Variants in CERS6 observed in about 807,000 individuals in gnomAD.
CERS6 encodes the protein LAG1 homolog, ceramide synthase 6.
A neutral mutation model predicts 56.8 loss-of-function variants in CERS6; 26 were observed. The ratio of observed to expected loss-of-function variants is 0.46; its 90% CI spans 0.34 to 0.63. CERS6 has a LOEUF of 0.63. Among genes scored for constraint, CERS6 ranks in the 30% least tolerant of loss-of-function variants. CERS6 has a pLI of 0.01. For missense variants in CERS6, 415 were observed against 467.5 expected (o/e 0.89, Z 1.04); for synonymous variants, 164 against 173.3 (o/e 0.95, Z 0.42).
intron 7 of CERS6, among the ~76,000 whole-genome samples, chr2:168,716,836 TC>T (rs1312371837): frequency 6.6e-6 from 1 of 152,170 alleles, no homozygotes; most frequent in Non-Finnish European, 1.5e-5. Context: ...AGGAATACAT[TC>T]CTCTCATAGC....
Position 168,770,477 on chromosome 2 carries a change from A to C in CERS6, c.*815A>C, listed in dbSNP as rs986243871. ...CTGAAGCTCATAGTTATAAACAAGGAAATCACTGTTAAGAATGGGAATTTG... is the reference window on the plus strand; with the variant it reads ...CTGAAGCTCATAGTTATAAACAAGGCAATCACTGTTAAGAATGGGAATTTG... On this transcript the variant is annotated 3_prime_UTR_variant, in exon 10 of 10. Transcript: ENST00000305747. The C allele has an allele frequency of 6.6e-6, 1 of 152,602 alleles. No individual in the cohort carries two copies. Among genetic ancestry groups the C allele is most frequent in the Non-Finnish European group, 1.5e-5 (1 of 68,044 alleles). 9.5% of individuals were successfully genotyped at this position (152,602 alleles called of 1,614,324 possible). A position where few individuals can be genotyped will look rare whatever the true frequency, so the allele number is the denominator to read the frequency against.
intron 4 of CERS6, among the ~76,000 whole-genome samples, chr2:168,643,647 C>G (rs1161168033): frequency 6.6e-6 from 1 of 152,160 alleles, no homozygotes; most frequent in East Asian, 1.9e-4. Context: ...ATTGCCATCT[C>G]CCTCAGGAGG....
intron 4 of CERS6, among the ~76,000 whole-genome samples, chr2:168,662,625 G>A (rs1024249273): frequency 1.3e-5 from 2 of 152,080 alleles, no homozygotes; most frequent in African/African-American, 2.4e-5. Flanking sequence ...CAGCTACTTC[G>A]GGAGGCTGAG....
Position 168,501,198 on chromosome 2 carries a change from T to C in CERS6, c.170+44580T>C, listed in dbSNP as rs1248870360. ...GGCTTTGGTTAACTTGAGTTTGGTG[T>C]TAGATACCAGCATCAATATCCATGA... is the stretch of plus-strand genomic sequence containing the variant. On this transcript the variant is annotated intron_variant, in intron 1 of 9. Coordinates refer to ENST00000305747, the MANE Select transcript of CERS6 (RefSeq NM_203463.3). 2.0e-5 allele frequency among the ~76,000 whole-genome samples: 3 copies of C among 152,326 alleles called. No homozygotes were observed. In the South Asian group the frequency reaches 6.2e-4, roughly 32 times the overall value.
chr2:168,464,318 A>G (rs998372228), intron 1 of CERS6, among the ~76,000 whole-genome samples: 2 of 151,788 alleles, frequency 1.3e-5, no homozygotes, highest in African/African-American at 2.4e-5. Flanking sequence ...CAGCCCCCCA[A>G]GTAGCTGGGA....
chr2:168,757,593 G>A (rs1413555440), intron 8 of CERS6, among the ~76,000 whole-genome samples: 2 of 152,156 alleles, frequency 1.3e-5, no homozygotes, highest in African/African-American at 4.8e-5. Flanking sequence ...ATAAAGAAAT[G>A]ACTTCTGGCC....
intron 4 of CERS6, among the ~76,000 whole-genome samples, chr2:168,689,819 G>T (rs1686452644): frequency 1.3e-5 from 2 of 152,176 alleles, no homozygotes; most frequent in South Asian, 4.1e-4. Flanking sequence ...TAGGTTTAGG[G>T]CAGTGCATGG....
intron 1 of CERS6, among the ~76,000 whole-genome samples, chr2:168,469,278 TA>T (rs1162011942): frequency 6.6e-6 from 1 of 152,218 alleles, no homozygotes; most frequent in Non-Finnish European, 1.5e-5. Context: ...CAGCTCTGCA[TA>T]GTTTAAATAT....
At chr2:168,626,215 A>G (rs1336320238) in intron 3 of CERS6, among the ~76,000 whole-genome samples, 1 of 152,096 alleles carries the variant, frequency 6.6e-6, no homozygotes, top group African/African-American at 2.4e-5. Flanking sequence ...ATGACTTCCT[A>G]TTTGTAAAGT....
At chr2:168,754,241 C>G (rs1217759851) in intron 8 of CERS6, among the ~76,000 whole-genome samples, 1 of 152,172 alleles carries the variant, frequency 6.6e-6, no homozygotes, top group Non-Finnish European at 1.5e-5. Flanking sequence ...CAGCATACTC[C>G]TTAGCATAGG....
intron 4 of CERS6, among the ~76,000 whole-genome samples, chr2:168,649,358 C>G (rs965024727): frequency 6.6e-6 from 1 of 152,132 alleles, no homozygotes. Context: ...CAAATGGCCT[C>G]TCCTGGTAAA....
chr2:168,749,576 G>T, intron 8 of CERS6, among the ~76,000 whole-genome samples: 1 of 152,190 alleles, frequency 6.6e-6, no homozygotes, highest in African/African-American at 2.4e-5. Context: ...TCTGGAGCAG[G>T]AAGCTGGGAC....
chr2:168,478,168 A>G (rs1694113652), intron 1 of CERS6, among the ~76,000 whole-genome samples: 1 of 151,876 alleles, frequency 6.6e-6, no homozygotes, highest in South Asian at 2.1e-4. Context: ...TTCCCCAGAG[A>G]ACAGCTTTTC....
intron 1 of CERS6, among the ~76,000 whole-genome samples, chr2:168,530,353 T>C (rs1464953949): frequency 3.9e-5 from 6 of 152,216 alleles, no homozygotes; most frequent in African/African-American, 1.4e-4. Context: ...ACTCAGACAT[T>C]ACAGATTCCC....
At chr2:168,558,639 G>T (rs918263134) in intron 2 of CERS6, among the ~76,000 whole-genome samples, 1 of 152,206 alleles carries the variant, frequency 6.6e-6, no homozygotes. Context: ...GGAGGCCAAG[G>T]CGGGTGGATC....
chr2:168,659,065 G>A (rs567875031), intron 4 of CERS6, among the ~76,000 whole-genome samples: 1 of 152,270 alleles, frequency 6.6e-6, no homozygotes, highest in Non-Finnish European at 1.5e-5. Context: ...GACAAGAATA[G>A]GTAAATTCCC....
At chr2:168,657,107 G>A (rs376072702) in intron 4 of CERS6, among the ~76,000 whole-genome samples, 1 of 151,576 alleles carries the variant, frequency 6.6e-6, no homozygotes, top group Non-Finnish European at 1.5e-5. Context: ...GGTTCTCCAC[G>A]TCCTCACCAG....
At chr2:168,679,867 T>A (rs1179790644) in intron 4 of CERS6, among the ~76,000 whole-genome samples, 2 of 152,230 alleles carry the variant, frequency 1.3e-5, no homozygotes, top group Admixed American at 1.3e-4. Context: ...TGATCCACAT[T>A]GTTCTTATTT....
intron 1 of CERS6, among the ~76,000 whole-genome samples, chr2:168,534,039 G>T (rs1695213708): frequency 6.6e-6 from 1 of 151,982 alleles, no homozygotes; most frequent in South Asian, 2.1e-4. Flanking sequence ...GCTTCACGAA[G>T]TTCTCGTGCT....
Sources: gnomAD v4.1 joint callset for allele counts (sites outside exome capture counted in the v4.1 genomes callset) on GRCh38, gnomAD v4.1.1 for gene constraint, MANE v1.5 for transcripts, NCBI Gene and HGNC (gene_info 2026-07-23, HGNC 2026-07-21) for gene names.